Variants in LINGO2 observed in about 807,000 individuals in gnomAD.
LINGO2 encodes the protein leucine-rich repeat and immunoglobulin-like domain-containing nogo receptor-interacting protein 2.
In LINGO2, 14 loss-of-function variants were observed where a neutral mutation model predicts 30.6. The observed-to-expected ratio is 0.46, with a 90% CI of 0.30 to 0.72. The LOEUF (loss-of-function observed/expected upper bound fraction) is 0.72. LINGO2 is among the 30% of genes least tolerant of loss of function. The pLI is 0.07. For synonymous variants in LINGO2, 317 were observed against 288.5 expected (o/e 1.10, Z -1.00); for missense variants, 729 against 751.7 (o/e 0.97, Z 0.35).
At chr9:28,760,314 G>A in the LINGO2 span, among the ~76,000 whole-genome samples, 1 of 151,880 alleles carries the variant, frequency 6.6e-6, no homozygotes, top group Non-Finnish European at 1.5e-5. Flanking sequence ...AATTTACATT[G>A]AATGTGTTCA....
chr9:29,053,837 T>C, the LINGO2 span, among the ~76,000 whole-genome samples: 1 of 152,122 alleles, frequency 6.6e-6, no homozygotes, highest in Non-Finnish European at 1.5e-5. Context: ...AAATGTTCTA[T>C]AAATTCTATT....
intron 1 of LINGO2, among the ~76,000 whole-genome samples, chr9:28,665,230 A>T (rs1828752976): frequency 6.6e-6 from 1 of 151,846 alleles, no homozygotes; most frequent in African/African-American, 2.4e-5. Flanking sequence ...CTGAAGAGAA[A>T]AATGCAGTGG....
chr9:28,778,847 CAAAA>C, the LINGO2 span, among the ~76,000 whole-genome samples: 1 of 151,886 alleles, frequency 6.6e-6, no homozygotes, highest in African/African-American at 2.4e-5. Context: ...ATTGAAAACA[CAAAA>C]AAAGTTACAT....
chr9:28,933,368 G>A, the LINGO2 span, among the ~76,000 whole-genome samples: 1 of 152,140 alleles, frequency 6.6e-6, no homozygotes, highest in Non-Finnish European at 1.5e-5. Flanking sequence ...CTTTAACCCT[G>A]AGTTTCTAGC....
At chr9:28,078,470 T>C (rs954969290) in intron 4 of LINGO2, among the ~76,000 whole-genome samples, 3 of 148,620 alleles carry the variant, frequency 2.0e-5, no homozygotes, top group Non-Finnish European at 4.4e-5. Context: ...TGTGAGCACA[T>C]GGAAAAAGAA....
intron 3 of LINGO2, among the ~76,000 whole-genome samples, chr9:28,337,383 A>C (rs1021360802): frequency 2.0e-5 from 3 of 152,208 alleles, no homozygotes; most frequent in African/African-American, 7.2e-5. Flanking sequence ...GCAGGGCATG[A>C]AAGTTTGGAA....
chr9:28,947,701 C>T, the LINGO2 span, among the ~76,000 whole-genome samples: 124 of 151,574 alleles, frequency 8.2e-4, 1 homozygote, highest in Middle Eastern at 3.4e-3. Flanking sequence ...CACACATATA[C>T]ACGTCTGTAT....
At chr9:28,519,444 C>A (rs1002413318) in intron 1 of LINGO2, among the ~76,000 whole-genome samples, 5 of 152,080 alleles carry the variant, frequency 3.3e-5, no homozygotes, top group African/African-American at 1.2e-4. Context: ...GTTAAGACTT[C>A]CCTTTTTGGA....
chr9:28,099,137 T>C (rs933817204), intron 4 of LINGO2, among the ~76,000 whole-genome samples: 2 of 152,120 alleles, frequency 1.3e-5, no homozygotes, highest in African/African-American at 4.8e-5. Context: ...TAACATAATA[T>C]CTGAAAGCTC....
At chr9:27,971,903 G>C (rs553368209) in intron 5 of LINGO2, among the ~76,000 whole-genome samples, 1 of 152,122 alleles carries the variant, frequency 6.6e-6, no homozygotes, top group African/African-American at 2.4e-5. Flanking sequence ...TATTTAGATA[G>C]AGTGCTCTTC....
chr9:28,632,738 A>G (rs1827027649), intron 1 of LINGO2, among the ~76,000 whole-genome samples: 1 of 136,102 alleles, frequency 7.3e-6, no homozygotes, highest in Non-Finnish European at 1.5e-5. Flanking sequence ...AGATCTATAT[A>G]TTTATATATA....
At chr9:28,425,212 A>C (rs1265158111) in intron 2 of LINGO2, among the ~76,000 whole-genome samples, 1 of 149,016 alleles carries the variant, frequency 6.7e-6, no homozygotes, top group East Asian at 1.9e-4. Context: ...TACTATGTGA[A>C]AGAAATAATT....
chr9:28,075,445 G>C (rs1002355893), intron 4 of LINGO2, among the ~76,000 whole-genome samples: 5 of 151,802 alleles, frequency 3.3e-5, no homozygotes, highest in Admixed American at 3.3e-4. Flanking sequence ...ACTTTTCCTA[G>C]ATCATATATC....
chr9:28,123,503 C>T (rs1361096924), intron 4 of LINGO2, among the ~76,000 whole-genome samples: 4 of 152,066 alleles, frequency 2.6e-5, no homozygotes, highest in Non-Finnish European at 5.9e-5. Context: ...AGGAATCTGC[C>T]TTCAGTCAAG....
At chr9:28,887,807 G>T in the LINGO2 span, among the ~76,000 whole-genome samples, 1 of 152,050 alleles carries the variant, frequency 6.6e-6, no homozygotes, top group Non-Finnish European at 1.5e-5. Flanking sequence ...GCTTTCAATC[G>T]ATTTAATATT....
chr9:28,919,769 AAAAATG>A, the LINGO2 span, among the ~76,000 whole-genome samples: 3 of 152,162 alleles, frequency 2.0e-5, no homozygotes, highest in Non-Finnish European at 4.4e-5. Context: ...AGACATTTCT[AAAAATG>A]AAAACAAAAA....
chr9:29,038,673 G>GAA, the LINGO2 span, among the ~76,000 whole-genome samples: 4,907 of 126,010 alleles, frequency 0.039, 374 homozygotes, highest in African/African-American at 0.13. Context: ...TCACTACTCA[G>GAA]AAAAAAAAAA....
the LINGO2 span, among the ~76,000 whole-genome samples, chr9:29,137,109 A>C: frequency 6.6e-6 from 1 of 152,116 alleles, no homozygotes; most frequent in African/African-American, 2.4e-5. Flanking sequence ...TACTGTCTGA[A>C]TCTTGTCCTG....
At chr9:28,656,552 T>C (rs1828349160) in intron 1 of LINGO2, among the ~76,000 whole-genome samples, 2 of 152,082 alleles carry the variant, frequency 1.3e-5, no homozygotes, top group Non-Finnish European at 1.5e-5. Flanking sequence ...AACTGAGATG[T>C]AATTTACAGA....
Sources: allele counts gnomAD v4.1 joint callset (sites outside exome capture counted in the v4.1 genomes callset), GRCh38; gene constraint gnomAD v4.1.1; transcripts MANE v1.5; gene names NCBI Gene and HGNC (gene_info 2026-07-23, HGNC 2026-07-21).